VPS54: variants seen among roughly 807,000 people sequenced by gnomAD.
VPS54 encodes the protein vacuolar protein sorting-associated protein 54.
In VPS54, 45 loss-of-function variants were observed where a neutral mutation model predicts 121.5. The observed-to-expected ratio is 0.37, with a 90% CI of 0.29 to 0.47. The LOEUF is 0.47. Ranked by LOEUF, VPS54 falls within the 20% of genes least tolerant of loss-of-function variation. VPS54 has a pLI of 0.99. For synonymous variants in VPS54, 371 were observed against 385.8 expected (o/e 0.96, Z 0.45); for missense variants, 1,090 against 1,131.4 (o/e 0.96, Z 0.52).
intron 17 of VPS54, 40 bp from the exon 18 acceptor site, chr2:63,913,350 A>T: frequency 3.3e-6 from 5 of 1,496,402 alleles, no homozygotes; most frequent in Non-Finnish European, 4.6e-6. Flanking sequence ...AATTTACTAA[A>T]AACTGTTCTT....
chr2:63,915,434 A>T (rs1307956240), intron 16 of VPS54, among the ~76,000 whole-genome samples: 1 of 152,214 alleles, frequency 6.6e-6, no homozygotes, highest in Non-Finnish European at 1.5e-5. Flanking sequence ...CCATATATGC[A>T]TACTGGTCTC....
intron 1 of VPS54, among the ~76,000 whole-genome samples, chr2:63,996,822 T>C (rs1677619147): frequency 6.6e-6 from 1 of 152,172 alleles, no homozygotes; most frequent in African/African-American, 2.4e-5. Flanking sequence ...AGTAACCTCA[T>C]TAGTAATTCT....
At chr2:63,914,731 A>G (rs1673300811) in intron 16 of VPS54, among the ~76,000 whole-genome samples, 1 of 152,124 alleles carries the variant, frequency 6.6e-6, no homozygotes. Context: ...TAACTAATGA[A>G]TTGATGAAGA....
intron 11 of VPS54, among the ~76,000 whole-genome samples, chr2:63,934,879 C>A (rs1674381062): frequency 6.6e-6 from 1 of 152,066 alleles, no homozygotes. Context: ...TCTTTATGGA[C>A]AATTAAGAAA....
intron 10 of VPS54, among the ~76,000 whole-genome samples, chr2:63,943,639 A>T (rs562962212): frequency 6.6e-6 from 1 of 152,288 alleles, no homozygotes; most frequent in African/African-American, 2.4e-5. Context: ...AAATATCCAT[A>T]TGAACAAGAA....
intron 11 of VPS54, among the ~76,000 whole-genome samples, chr2:63,935,177 T>A (rs529361973): frequency 2.6e-5 from 4 of 152,184 alleles, no homozygotes; most frequent in Non-Finnish European, 5.9e-5. Flanking sequence ...ACCTTAAGGC[T>A]GACCTACCTC....
chr2:63,943,723 C>CT (rs1674843300), intron 10 of VPS54, among the ~76,000 whole-genome samples: 1 of 114,086 alleles, frequency 8.8e-6, no homozygotes, highest in Non-Finnish European at 1.8e-5. Context: ...TTCTTTCTTT[C>CT]TTTCTTTTTT....
At chr2:63,974,432 C>G (rs555984548) in intron 3 of VPS54, among the ~76,000 whole-genome samples, 7 of 152,264 alleles carry the variant, frequency 4.6e-5, no homozygotes, top group African/African-American at 1.4e-4. Flanking sequence ...TATTCTGGGT[C>G]TTTTTCTATA....
chr2:63,955,179 T>C (rs952411845), intron 7 of VPS54, among the ~76,000 whole-genome samples: 9 of 152,054 alleles, frequency 5.9e-5, no homozygotes, highest in Admixed American at 3.3e-4. Flanking sequence ...TTGCTTTGCA[T>C]TGACAACTTA....
At chr2:63,973,425 T>G (rs979450719) in intron 3 of VPS54, among the ~76,000 whole-genome samples, 1 of 152,234 alleles carries the variant, frequency 6.6e-6, no homozygotes, top group African/African-American at 2.4e-5. Flanking sequence ...TGACCATCTT[T>G]CCATGTGCTA....
chr2:63,979,583 G>T (rs1287677725), intron 3 of VPS54, among the ~76,000 whole-genome samples: 1 of 152,096 alleles, frequency 6.6e-6, no homozygotes, highest in African/African-American at 2.4e-5. Context: ...TCACTGATTT[G>T]AAATCATTCT....
intron 12 of VPS54, among the ~76,000 whole-genome samples, chr2:63,924,834 CA>C (rs766006019): frequency 1.3e-5 from 2 of 152,050 alleles, no homozygotes; most frequent in African/African-American, 2.4e-5. Context: ...ACAGCCTTTT[CA>C]ATAAATGGTG....
intron 12 of VPS54, among the ~76,000 whole-genome samples, chr2:63,931,168 T>C (rs948503817): frequency 3.3e-5 from 5 of 150,446 alleles, no homozygotes; most frequent in Admixed American, 2.7e-4. Flanking sequence ...AAACTACTAA[T>C]GGAACCAAAA....
At chr2:63,931,119 C>G (rs547703959) in intron 12 of VPS54, among the ~76,000 whole-genome samples, 5 of 152,278 alleles carry the variant, frequency 3.3e-5, no homozygotes, top group African/African-American at 1.2e-4. Context: ...AATGCCATCC[C>G]CATCAAGCTA....
chr2:63,902,995 T>TAACAC (rs1301669642), intron 20 of VPS54, among the ~76,000 whole-genome samples: 1 of 151,860 alleles, frequency 6.6e-6, no homozygotes, highest in Admixed American at 6.6e-5. Flanking sequence ...TAACATAACA[T>TAACAC]AACATAACAC....
chr2:63,911,151 C>T (rs1673132035), intron 20 of VPS54, among the ~76,000 whole-genome samples: 1 of 152,180 alleles, frequency 6.6e-6, no homozygotes, highest in Non-Finnish European at 1.5e-5. Flanking sequence ...TTTTGGTACA[C>T]AGAAGAATGC....
At chr2:63,921,062 G>C (rs59540641) in intron 13 of VPS54, 144 bp downstream of exon 13, 2 of 774,772 alleles carry the variant, frequency 2.6e-6, no homozygotes, top group Non-Finnish European at 3.7e-6. Flanking sequence ...CATCTCCCTA[G>C]TAGACCACAT....
intron 10 of VPS54, 133 bp from the exon 11 acceptor site, chr2:63,942,694 A>C: frequency 2.9e-6 from 2 of 696,770 alleles, no homozygotes; most frequent in Non-Finnish European, 2.3e-6. Flanking sequence ...CCTAACTAAA[A>C]TGTTGAAGAG....
intron 12 of VPS54, among the ~76,000 whole-genome samples, chr2:63,924,137 A>G (rs1476734757): frequency 6.6e-6 from 1 of 152,232 alleles, no homozygotes; most frequent in African/African-American, 2.4e-5. Context: ...GGAAGGATAA[A>G]AACTGTGAGA....
Sources: allele counts gnomAD v4.1 joint callset (sites outside exome capture counted in the v4.1 genomes callset), GRCh38; gene constraint gnomAD v4.1.1; transcripts MANE v1.5; gene names NCBI Gene and HGNC (gene_info 2026-07-23, HGNC 2026-07-21).